Variants in OTUD3 observed in about 807,000 individuals in gnomAD.
OTUD3 encodes the protein OTU domain-containing protein 3.
OTUD3 carries 24 observed loss-of-function variants against 46.2 expected under a neutral mutation model. That is an observed-to-expected ratio of 0.52 (90% CI 0.38 to 0.73). The LOEUF (loss-of-function observed/expected upper bound fraction) is 0.73, where lower values mean the gene tolerates loss of function less well. OTUD3 is among the 30% of genes least tolerant of loss of function. The probability of loss-of-function intolerance (pLI) is 0.00; values close to 1 mark genes in which losing one functional copy is unlikely to be tolerated. For missense variants in OTUD3, 455 were observed against 523.3 expected (o/e 0.87, Z 1.27); for synonymous variants, 189 against 195.4 (o/e 0.97, Z 0.27).
At position 19,892,987 on chromosome 1, in the gene OTUD3, TC is replaced by T. The variant is rs1331414805; in HGVS notation, c.371-1379del. Among the ~76,000 whole-genome samples, 3 of 152,140 alleles carry T rather than the reference TC, an allele frequency of 2.0e-5. No homozygotes were observed. The East Asian group carries it at 5.8e-4, about 29-fold the overall frequency. ...ACCTCTCCATCTCAGCATTCTCAGT[TC>T]CTGCCATATTAGAGTTCTCTCTCTC... On this transcript the variant is annotated intron_variant, in intron 2 of 7. Transcript: ENST00000375120.
chr1:19,907,301 CGTTT>C (rs1298085325), intron 7 of OTUD3, among the ~76,000 whole-genome samples: 1 of 152,164 alleles, frequency 6.6e-6, no homozygotes, highest in African/African-American at 2.4e-5. Flanking sequence ...TTCTCTGACA[CGTTT>C]GTTTGTTACC....
At chr1:19,905,161 GGGGGAGTATAGTTCA>G (rs1287782190) in intron 6 of OTUD3, among the ~76,000 whole-genome samples, 174 bp downstream of exon 6, 2 of 152,226 alleles carry the variant, frequency 1.3e-5, no homozygotes, top group East Asian at 3.9e-4. Flanking sequence ...CTCTGCTTCA[GGGGGAGTATAGTTCA>G]GGGGTAGAGG....
chr1:19,898,942 C>T (rs1192439056), intron 4 of OTUD3, among the ~76,000 whole-genome samples: 3 of 152,072 alleles, frequency 2.0e-5, no homozygotes, highest in Non-Finnish European at 4.4e-5. Flanking sequence ...TCATGAGTAA[C>T]TAGGACTACA....
intron 6 of OTUD3, 59 bp downstream of exon 6, chr1:19,905,046 ATATT>A (rs975308379): frequency 1.0e-5 from 10 of 983,744 alleles, no homozygotes; most frequent in Admixed American, 2.2e-5. Flanking sequence ...AATTTTCCAA[ATATT>A]TATTTTTTAA....
intron 1 of OTUD3, among the ~76,000 whole-genome samples, chr1:19,890,090 C>T (rs1049200195): frequency 6.6e-6 from 1 of 152,122 alleles, no homozygotes; most frequent in Non-Finnish European, 1.5e-5. Context: ...AGTGTATCAC[C>T]GGCTCCACTT....
chr1:19,894,295 A>G (rs1303216125), intron 2 of OTUD3, 73 bp from the exon 3 acceptor site: 4 of 816,690 alleles, frequency 4.9e-6, no homozygotes, highest in Non-Finnish European at 6.0e-6. Flanking sequence ...GGAACTCAGT[A>G]AATACCAAAG....
intron 4 of OTUD3, among the ~76,000 whole-genome samples, chr1:19,901,106 C>G (rs1355898535): frequency 6.6e-6 from 1 of 151,984 alleles, no homozygotes; most frequent in East Asian, 1.9e-4. Context: ...GACGGGGTTT[C>G]ACCGTGTTGG....
At chr1:19,893,705 C>T (rs572291901) in intron 2 of OTUD3, among the ~76,000 whole-genome samples, 1 of 152,206 alleles carries the variant, frequency 6.6e-6, no homozygotes, top group Admixed American at 6.5e-5. Context: ...TAGAAGTGAC[C>T]TCCCAGGAGC....
intron 4 of OTUD3, among the ~76,000 whole-genome samples, chr1:19,899,633 C>G (rs1442717044): frequency 2.0e-5 from 3 of 152,190 alleles, no homozygotes; most frequent in African/African-American, 7.2e-5. Context: ...CTAGAAGGTC[C>G]TTGCCACATC....
chr1:19,906,382 C>T (rs753710126), intron 6 of OTUD3, 50 bp from the exon 7 acceptor site: 8 of 1,550,766 alleles, frequency 5.2e-6, no homozygotes, highest in Non-Finnish European at 7.1e-6. Context: ...AGTCATCACC[C>T]TGTGTAACTC....
At chr1:19,885,927 C>T (rs2045353652) in intron 1 of OTUD3, among the ~76,000 whole-genome samples, 1 of 152,150 alleles carries the variant, frequency 6.6e-6, no homozygotes, top group Admixed American at 6.5e-5. Flanking sequence ...CAATATGGTA[C>T]CTGTAGCATT....
rs770547354 is a variant in OTUD3 at position 19,897,606 on chromosome 1, G to A, written c.550G>A (p.Asp184Asn). Residue 184 changes from aspartate (D) to asparagine (N), a missense_variant, in exon 4 of 8, where the codon GAC becomes AAC. Asp to Asn is a conservative substitution (Grantham distance 23). Transcript: ENST00000375120. ...CGCATATCGGTATGGAGAGCACTAC[G>A]ACAGTGTTCGGAGGATCAATGACAA... ...HIAYRYGEHY[D>N]SVRRINDNSE... 1.9e-6 allele frequency: 3 copies of A among 1,614,066 alleles called. No individual in the cohort carries two copies. The highest frequency in any genetic ancestry group is 1.7e-6 in the Non-Finnish European group (2 of 1,179,946).
At chr1:19,907,515 G>T in intron 7 of OTUD3, 55 bp from the exon 8 acceptor site, 1 of 1,558,544 alleles carries the variant, frequency 6.4e-7, no homozygotes, top group Non-Finnish European at 8.8e-7. Flanking sequence ...CTTCTAGCAG[G>T]TGGCAGCTTG....
chr1:19,898,918 T>A (rs2045552920), intron 4 of OTUD3, among the ~76,000 whole-genome samples: 1 of 152,134 alleles, frequency 6.6e-6, no homozygotes, highest in South Asian at 2.1e-4. Flanking sequence ...TCCAGCGATC[T>A]TCCCACCTTG....
intron 6 of OTUD3, 38 bp downstream of exon 6, chr1:19,905,025 G>T (rs763693349): frequency 1.9e-6 from 2 of 1,064,846 alleles, no homozygotes; most frequent in Non-Finnish European, 2.8e-6. Context: ...CTTCAAAATG[G>T]TTGTGTTGGT....
At chr1:19,891,182 A>G (rs2045441207) in intron 2 of OTUD3, among the ~76,000 whole-genome samples, 1 of 152,220 alleles carries the variant, frequency 6.6e-6, no homozygotes, top group African/African-American at 2.4e-5. Flanking sequence ...CAAACCCCAA[A>G]CACAATCTGT....
At chr1:19,883,777 G>A (rs1384864455) in intron 1 of OTUD3, among the ~76,000 whole-genome samples, 2 of 152,048 alleles carry the variant, frequency 1.3e-5, no homozygotes, top group African/African-American at 4.8e-5. Flanking sequence ...TACCACCCCC[G>A]GCCAGGAATT....
intron 1 of OTUD3, among the ~76,000 whole-genome samples, chr1:19,885,686 C>G (rs1278708699): frequency 6.6e-6 from 1 of 152,194 alleles, no homozygotes; most frequent in African/African-American, 2.4e-5. Flanking sequence ...GAACTCCTGA[C>G]CTCATGATCC....
At position 19,890,374 on chromosome 1, in the gene OTUD3, T is replaced by G. The variant is rs1254963311; in HGVS notation, c.222-11T>G. The G allele has an allele frequency of 2.2e-5, 35 of 1,613,400 alleles. No individual in the cohort carries two copies. Among genetic ancestry groups the G allele is most frequent in the Non-Finnish European group, 2.8e-5 (33 of 1,179,496 alleles). Reference sequence around the variant, plus strand: ...TTTGAAAGGTCTTGACTCGTGTTGTTGTTTTGACAGCAATTGCTTGTTCAG... The same window carrying G: ...TTTGAAAGGTCTTGACTCGTGTTGTGGTTTTGACAGCAATTGCTTGTTCAG... On this transcript the variant is annotated splice_polypyrimidine_tract_variant and intron_variant, in intron 1 of 7. Transcript: ENST00000375120.
Sources: gnomAD v4.1 joint callset for allele counts (sites outside exome capture counted in the v4.1 genomes callset) on GRCh38, gnomAD v4.1.1 for gene constraint, MANE v1.5 for transcripts, NCBI Gene and HGNC (gene_info 2026-07-23, HGNC 2026-07-21) for gene names.